HS6ST3: variants seen among roughly 807,000 people sequenced by gnomAD.
HS6ST3 encodes heparan-sulfate 6-O-sulfotransferase 3.
A neutral mutation model predicts 36.7 loss-of-function variants in HS6ST3; 12 were observed. The observed-to-expected ratio is 0.33, with a 90% CI of 0.21 to 0.53. The LOEUF is 0.53. HS6ST3 is among the 20% of genes least tolerant of loss of function. The pLI is 0.95. For missense variants in HS6ST3, 584 were observed against 640.9 expected, an observed-to-expected ratio of 0.91 and a Z score of 0.96; for synonymous variants, 240 against 257.5, an observed-to-expected ratio of 0.93 and a Z score of 0.65.
intron 1 of HS6ST3, among the ~76,000 whole-genome samples, chr13:96,525,807 G>C (rs1566387052): frequency 6.6e-6 from 1 of 152,174 alleles, no homozygotes; most frequent in Non-Finnish European, 1.5e-5. Flanking sequence ...GCTACTTACT[G>C]TGTACGCTAT....
intron 1 of HS6ST3, among the ~76,000 whole-genome samples, chr13:96,271,952 G>A (rs1374369456): frequency 2.0e-5 from 3 of 151,964 alleles, no homozygotes; most frequent in Non-Finnish European, 4.4e-5. Flanking sequence ...TAGACAATCT[G>A]CTTCTGGCTC....
chr13:96,632,911 A>G (rs79633700), intron 1 of HS6ST3, among the ~76,000 whole-genome samples: 1 of 152,202 alleles, frequency 6.6e-6, no homozygotes, highest in Non-Finnish European at 1.5e-5. Flanking sequence ...AAATCTGGGA[A>G]TATGTGAGTG....
At chr13:96,831,977 A>AAAAAAAAAAAAAAAAC (rs1555326624) in intron 1 of HS6ST3, among the ~76,000 whole-genome samples, 1 of 115,976 alleles carries the variant, frequency 8.6e-6, no homozygotes, top group Non-Finnish European at 1.8e-5. Flanking sequence ...AAAAAAAAAA[A>AAAAAAAAAAAAAAAAC]AAACAGAGAT....
chr13:96,133,888 T>C (rs1180404508), intron 1 of HS6ST3, among the ~76,000 whole-genome samples: 1 of 152,030 alleles, frequency 6.6e-6, no homozygotes, highest in Non-Finnish European at 1.5e-5. Context: ...AGGTCTTACA[T>C]TTAAGTCTTT....
At chr13:96,504,389 C>G (rs571700437) in intron 1 of HS6ST3, among the ~76,000 whole-genome samples, 1 of 152,118 alleles carries the variant, frequency 6.6e-6, no homozygotes, top group Admixed American at 6.5e-5. Flanking sequence ...TTTTGGAAAT[C>G]TTGGAACCTG....
intron 1 of HS6ST3, among the ~76,000 whole-genome samples, chr13:96,100,576 G>A (rs2053813453): frequency 6.6e-6 from 1 of 152,174 alleles, no homozygotes; most frequent in Non-Finnish European, 1.5e-5. Context: ...GGAGAGAGCC[G>A]AAGGAGAAAC....
At chr13:96,113,099 A>G (rs1660810326) in intron 1 of HS6ST3, among the ~76,000 whole-genome samples, 1 of 152,112 alleles carries the variant, frequency 6.6e-6, no homozygotes, top group African/African-American at 2.4e-5. Flanking sequence ...AGATCCGAGG[A>G]GATCAGGTGG....
At chr13:96,659,960 T>G (rs1366707476) in intron 1 of HS6ST3, among the ~76,000 whole-genome samples, 1 of 152,150 alleles carries the variant, frequency 6.6e-6, no homozygotes, top group South Asian at 2.1e-4. Flanking sequence ...TTCAACATAA[T>G]GCCACTTTTA....
intron 1 of HS6ST3, among the ~76,000 whole-genome samples, chr13:96,729,426 T>C (rs1594846721): frequency 6.6e-6 from 1 of 152,192 alleles, no homozygotes; most frequent in South Asian, 2.1e-4. Flanking sequence ...ATGAGATTAC[T>C]TAATTCAGTA....
intron 1 of HS6ST3, among the ~76,000 whole-genome samples, chr13:96,409,316 T>C (rs764975792): frequency 6.6e-6 from 1 of 152,236 alleles, no homozygotes. Flanking sequence ...GACTAATGAA[T>C]ATTTGGTTGA....
At chr13:96,446,903 A>C (rs1469498060) in intron 1 of HS6ST3, among the ~76,000 whole-genome samples, 1 of 152,096 alleles carries the variant, frequency 6.6e-6, no homozygotes, top group Non-Finnish European at 1.5e-5. Flanking sequence ...TATCTACTTC[A>C]TTCTCTGGCC....
chr13:96,583,482 G>A (rs2056349878), intron 1 of HS6ST3, among the ~76,000 whole-genome samples: 4 of 151,670 alleles, frequency 2.6e-5, no homozygotes, highest in Admixed American at 1.3e-4. Context: ...AAAGTGCCGC[G>A]ATTACAGATG....
At chr13:96,814,340 A>G (rs1196356594) in intron 1 of HS6ST3, among the ~76,000 whole-genome samples, 2 of 152,154 alleles carry the variant, frequency 1.3e-5, no homozygotes, top group African/African-American at 4.8e-5. Flanking sequence ...TTTCCCTCAA[A>G]AATTTGAAGC....
At chr13:96,454,397 C>T (rs1044891317) in intron 1 of HS6ST3, among the ~76,000 whole-genome samples, 5 of 152,052 alleles carry the variant, frequency 3.3e-5, no homozygotes, top group African/African-American at 9.7e-5. Context: ...AAATGTAGTA[C>T]TATGAAAATT....
At chr13:96,651,748 C>T (rs2056608343) in intron 1 of HS6ST3, among the ~76,000 whole-genome samples, 2 of 152,076 alleles carry the variant, frequency 1.3e-5, no homozygotes, top group Non-Finnish European at 2.9e-5. Flanking sequence ...CATATTACTT[C>T]GTTTATTATT....
At chr13:96,310,379 T>C (rs945096958) in intron 1 of HS6ST3, among the ~76,000 whole-genome samples, 3 of 152,180 alleles carry the variant, frequency 2.0e-5, no homozygotes, top group African/African-American at 7.2e-5. Context: ...AAATCTATCC[T>C]TTGCTTAAGA....
At chr13:96,796,342 A>C (rs1390784737) in intron 1 of HS6ST3, among the ~76,000 whole-genome samples, 1 of 152,116 alleles carries the variant, frequency 6.6e-6, no homozygotes, top group Non-Finnish European at 1.5e-5. Flanking sequence ...AAAATGAACC[A>C]TACTGTCATT....
intron 1 of HS6ST3, among the ~76,000 whole-genome samples, chr13:96,136,612 G>A (rs1214671854): frequency 1.3e-5 from 2 of 151,176 alleles, no homozygotes; most frequent in African/African-American, 4.8e-5. Flanking sequence ...ATTATAGTTC[G>A]AGATTTGGTG....
At chr13:96,395,031 G>T (rs546400483) in intron 1 of HS6ST3, among the ~76,000 whole-genome samples, 9 of 152,026 alleles carry the variant, frequency 5.9e-5, no homozygotes, top group Non-Finnish European at 1.0e-4. Flanking sequence ...TTCTATTAAG[G>T]CTTCATTTGT....
Sources: allele counts gnomAD v4.1 joint callset (sites outside exome capture counted in the v4.1 genomes callset), GRCh38; gene constraint gnomAD v4.1.1; transcripts MANE v1.5; gene names NCBI Gene and HGNC (gene_info 2026-07-23, HGNC 2026-07-21).